The following MIPOL1 variants were observed in gnomAD, a reference collection of about 807,000 sequenced individuals.
MIPOL1 encodes mirror-image polydactyly 1.
In MIPOL1, 57 loss-of-function variants were observed where a neutral mutation model predicts 60.9. The ratio of observed to expected loss-of-function variants is 0.94; its 90% CI spans 0.76 to 1.17. MIPOL1 has a LOEUF of 1.17. Among genes scored for constraint, MIPOL1 ranks in the 50% most tolerant of loss-of-function variants. The pLI, the probability that MIPOL1 is intolerant of heterozygous loss-of-function variation, is 0.00. For missense variants in MIPOL1, 551 were observed against 511.6 expected (o/e 1.08, Z -0.74); for synonymous variants, 179 against 168.8 (o/e 1.06, Z -0.47).
intron 12 of MIPOL1, among the ~76,000 whole-genome samples, chr14:37,532,694 T>C (rs2095486864): frequency 6.6e-6 from 1 of 152,152 alleles, no homozygotes; most frequent in Non-Finnish European, 1.5e-5. Flanking sequence ...AGTTTAGGTG[T>C]GGGCAGTATG....
chr14:37,292,337 T>C (rs1413673526), intron 7 of MIPOL1, among the ~76,000 whole-genome samples: 1 of 152,172 alleles, frequency 6.6e-6, no homozygotes, highest in Non-Finnish European at 1.5e-5. Context: ...TTGCATGTTT[T>C]GTGTTGTATT....
chr14:37,486,104 C>T (rs1045714063), intron 11 of MIPOL1, among the ~76,000 whole-genome samples: 1 of 152,138 alleles, frequency 6.6e-6, no homozygotes, highest in Admixed American at 6.5e-5. Flanking sequence ...TTCCCCATTG[C>T]TTGTTTTTGT....
intron 6 of MIPOL1, among the ~76,000 whole-genome samples, chr14:37,271,189 C>CT (rs1243102194): frequency 7.9e-5 from 12 of 152,124 alleles, no homozygotes; most frequent in Admixed American, 2.6e-4. Context: ...TCACAATAGT[C>CT]TATGATCTCC....
intron 9 of MIPOL1, among the ~76,000 whole-genome samples, chr14:37,333,497 T>C (rs2089890620): frequency 6.6e-6 from 1 of 152,096 alleles, no homozygotes; most frequent in South Asian, 2.1e-4. Flanking sequence ...TTATATATAT[T>C]GTCTGTAAGA....
intron 1 of MIPOL1, among the ~76,000 whole-genome samples, chr14:37,226,414 G>A (rs1161486528): frequency 6.6e-6 from 1 of 152,192 alleles, no homozygotes; most frequent in East Asian, 1.9e-4. Flanking sequence ...CATGGTAGAA[G>A]ATGAAAGGCA....
intron 12 of MIPOL1, among the ~76,000 whole-genome samples, chr14:37,529,278 A>G (rs1424759981): frequency 6.6e-6 from 1 of 152,216 alleles, no homozygotes; most frequent in Non-Finnish European, 1.5e-5. Flanking sequence ...CATCTCTGTT[A>G]CCGTTATTAC....
intron 10 of MIPOL1, among the ~76,000 whole-genome samples, chr14:37,421,009 G>A (rs1194811966): frequency 1.3e-5 from 2 of 152,054 alleles, no homozygotes; most frequent in South Asian, 2.1e-4. Flanking sequence ...TTAGATACTG[G>A]GAATTAAGAA....
chr14:37,461,872 C>G (rs931590224), intron 11 of MIPOL1, among the ~76,000 whole-genome samples: 1 of 152,214 alleles, frequency 6.6e-6, no homozygotes, highest in Non-Finnish European at 1.5e-5. Flanking sequence ...GGTACAGCTT[C>G]CCTCCCAACT....
rs561307678 is a variant in MIPOL1 at position 37,218,765 on chromosome 14, C to T, written c.-199+20661C>T. On this transcript the variant is annotated intron_variant, in intron 1 of 12. Coordinates refer to ENST00000684589, the MANE Select transcript of MIPOL1 (RefSeq NM_001388067.1). ...CAGCATAGGCAACATGAAGAGACTC[C>T]GTCTCTATAAAAAAATAGAAAAATT... Among the ~76,000 whole-genome samples the T allele has an allele frequency of 2.0e-4, 30 of 151,472 alleles. 1 individual carries two copies. In the South Asian group the frequency reaches 5.2e-3, roughly 26 times the overall value.
chr14:37,292,465 C>CTTTTTTTTTTTTTT (rs34055899), intron 7 of MIPOL1, among the ~76,000 whole-genome samples: 1 of 63,442 alleles, frequency 1.6e-5, no homozygotes, highest in African/African-American at 6.0e-5. Flanking sequence ...CCTTAATAAA[C>CTTTTTTTTTTTTTT]TTTTTTTTTT....
chr14:37,486,309 G>C (rs949453577), intron 11 of MIPOL1, among the ~76,000 whole-genome samples: 16 of 152,064 alleles, frequency 1.1e-4, no homozygotes, highest in Non-Finnish European at 1.3e-4. Flanking sequence ...GGATTGTCTT[G>C]GCAATGCAGA....
chr14:37,361,361 C>T (rs1247988774), intron 9 of MIPOL1, among the ~76,000 whole-genome samples: 1 of 152,046 alleles, frequency 6.6e-6, no homozygotes, highest in Non-Finnish European at 1.5e-5. Flanking sequence ...GCATTCAAGT[C>T]CTGGATATCC....
At chr14:37,465,779 A>G (rs563613877) in intron 11 of MIPOL1, among the ~76,000 whole-genome samples, 2 of 152,166 alleles carry the variant, frequency 1.3e-5, no homozygotes, top group African/African-American at 4.8e-5. Flanking sequence ...CATTTAAACT[A>G]TTTCTCCTGC....
intron 3 of MIPOL1, among the ~76,000 whole-genome samples, chr14:37,259,015 C>T (rs1279652384): frequency 1.3e-5 from 2 of 151,984 alleles, no homozygotes; most frequent in African/African-American, 4.8e-5. Context: ...ATAATCTCAC[C>T]ACTTCTTTTT....
chr14:37,388,917 T>C (rs1217174301), intron 10 of MIPOL1, among the ~76,000 whole-genome samples: 1 of 152,078 alleles, frequency 6.6e-6, no homozygotes, highest in African/African-American at 2.4e-5. Context: ...TGGCTTAACA[T>C]TCATGAGGTA....
At chr14:37,290,787 T>G (rs2084985644) in intron 7 of MIPOL1, among the ~76,000 whole-genome samples, 1 of 152,188 alleles carries the variant, frequency 6.6e-6, no homozygotes, top group South Asian at 2.1e-4. Context: ...TGGGGTTTTT[T>G]TGTACAGATT....
At chr14:37,394,605 G>C (rs970873745) in intron 10 of MIPOL1, among the ~76,000 whole-genome samples, 5 of 151,800 alleles carry the variant, frequency 3.3e-5, no homozygotes, top group Non-Finnish European at 4.4e-5. Flanking sequence ...CTTTTTGATG[G>C]GATTGTTTGT....
Position 37,546,954 on chromosome 14 carries a change from A to G in MIPOL1, c.1312A>G (p.Met438Val), listed in dbSNP as rs768409494. ...VLRKKVGTGT[M>V]RTVI ...GAGGAAGAAGGTTGGAACCGGGACC[A>G]TGAGGACAGTGATCTGATTGAAAAA... Residue 438 changes from methionine (M) to valine (V), a missense_variant, in exon 13 of 13, where the codon ATG becomes GTG. By Grantham distance (21) the Met-to-Val change is conservative. Transcript: ENST00000684589. 2 of 1,569,806 alleles carry G rather than the reference A, an allele frequency of 1.3e-6. No individual in the cohort carries two copies. The highest frequency in any genetic ancestry group is 8.7e-7 in the Non-Finnish European group (1 of 1,152,462).
At chr14:37,483,114 C>CTT (rs35311326) in intron 11 of MIPOL1, among the ~76,000 whole-genome samples, 11,474 of 140,812 alleles carry the variant, frequency 0.081, 1,600 homozygotes, top group African/African-American at 0.28. Context: ...TAGACACAAC[C>CTT]TTTTTTTTTT....
Sources: allele counts gnomAD v4.1 joint callset (sites outside exome capture counted in the v4.1 genomes callset), GRCh38; gene constraint gnomAD v4.1.1; transcripts MANE v1.5; gene names NCBI Gene and HGNC (gene_info 2026-07-23, HGNC 2026-07-21).